The following ARHGEF3 variants were observed in gnomAD, a reference collection of about 807,000 sequenced individuals.
ARHGEF3 encodes the protein Rho guanine nucleotide exchange factor 3.
In ARHGEF3, 28 loss-of-function variants were observed where a neutral mutation model predicts 63.2. That is an observed-to-expected ratio of 0.44 (90% CI 0.33 to 0.61). The LOEUF (loss-of-function observed/expected upper bound fraction) is 0.61. ARHGEF3 is among the 20% of genes least tolerant of loss of function. The probability of loss-of-function intolerance (pLI) is 0.03; values close to 1 mark genes in which losing one functional copy is unlikely to be tolerated. For synonymous variants in ARHGEF3, 266 were observed against 254.2 expected, an observed-to-expected ratio of 1.05 and a Z score of -0.44; for missense variants, 533 against 659.3, an observed-to-expected ratio of 0.81 and a Z score of 2.10.
intron 1 of ARHGEF3, among the ~76,000 whole-genome samples, chr3:57,039,804 A>G (rs1704104297): frequency 6.6e-6 from 1 of 152,078 alleles, no homozygotes; most frequent in Non-Finnish European, 1.5e-5. Flanking sequence ...ACCCTCCTAT[A>G]GGAATCCTTG....
chr3:56,913,097 C>T (rs1295096245), intron 3 of ARHGEF3, among the ~76,000 whole-genome samples: 2 of 151,936 alleles, frequency 1.3e-5, no homozygotes, highest in Non-Finnish European at 2.9e-5. Context: ...TATGATTGTG[C>T]CACTGCACTC....
chr3:56,871,670 A>C (rs1354751570), intron 4 of ARHGEF3, among the ~76,000 whole-genome samples: 1 of 152,130 alleles, frequency 6.6e-6, no homozygotes, highest in African/African-American at 2.4e-5. Context: ...TTATTCTTAT[A>C]TTTTTTGCAG....
chr3:56,921,102 C>T (rs1199312627), intron 3 of ARHGEF3, among the ~76,000 whole-genome samples: 1 of 145,142 alleles, frequency 6.9e-6, no homozygotes, highest in Non-Finnish European at 1.5e-5. Context: ...CAGTGGCTCA[C>T]ACCTGTAATC....
intron 2 of ARHGEF3, among the ~76,000 whole-genome samples, chr3:56,973,449 G>A (rs576164022): frequency 6.6e-6 from 1 of 152,290 alleles, no homozygotes; most frequent in African/African-American, 2.4e-5. Flanking sequence ...AAGGGCTATG[G>A]GAAGAGCAGA....
intron 2 of ARHGEF3, among the ~76,000 whole-genome samples, chr3:57,025,555 A>G (rs1451902588): frequency 6.6e-6 from 1 of 152,180 alleles, no homozygotes; most frequent in Non-Finnish European, 1.5e-5. Context: ...AGAAGTAGGC[A>G]AATGCTACAA....
At chr3:57,051,807 T>C (rs938239930) in intron 1 of ARHGEF3, among the ~76,000 whole-genome samples, 4 of 150,940 alleles carry the variant, frequency 2.7e-5, no homozygotes, top group Non-Finnish European at 5.9e-5. Context: ...CTATTAAAAA[T>C]AGAAAAATTA....
chr3:57,010,087 C>A (rs910486019), intron 2 of ARHGEF3, among the ~76,000 whole-genome samples: 1 of 152,096 alleles, frequency 6.6e-6, no homozygotes, highest in Admixed American at 6.5e-5. Context: ...AACATGCAGG[C>A]GCCACAGCAC....
In ARHGEF3 at chr3:56,951,779, G is replaced by C. The variant is rs189269773; in HGVS notation, c.129+7044C>G. On this transcript the variant is annotated intron_variant, in intron 3 of 12. Transcript: ENST00000338458. Reference sequence around the variant, plus strand: ...AGAGTCCTCTGTATGTTAGAGGTTAGTATGAGGTGAATATTGCAAATATTC... The same window carrying C: ...AGAGTCCTCTGTATGTTAGAGGTTACTATGAGGTGAATATTGCAAATATTC... Among the ~76,000 whole-genome samples the C allele has an allele frequency of 3.9e-5, 6 of 152,046 alleles. No homozygotes were observed. The East Asian group carries it at 1.2e-3, about 29-fold the overall frequency.
intron 1 of ARHGEF3, among the ~76,000 whole-genome samples, chr3:57,054,801 C>T (rs922895789): frequency 2.0e-5 from 3 of 151,882 alleles, no homozygotes; most frequent in Admixed American, 6.6e-5. Flanking sequence ...TAGGCATACG[C>T]CACCATGCCT....
intron 1 of ARHGEF3, among the ~76,000 whole-genome samples, chr3:57,067,453 A>AT (rs1189718380): frequency 7.7e-6 from 1 of 130,446 alleles, no homozygotes; most frequent in Non-Finnish European, 1.6e-5. Flanking sequence ...ACTCTGTCTC[A>AT]AAATAATAAT....
chr3:56,730,077 AAAT>A (rs1482119746), intron 9 of ARHGEF3, among the ~76,000 whole-genome samples: 1 of 152,192 alleles, frequency 6.6e-6, no homozygotes, highest in African/African-American at 2.4e-5. Context: ...AAATCAATAA[AAAT>A]AAATCCCCAG....
chr3:57,007,285 C>A (rs182952140), intron 2 of ARHGEF3: 1 of 1,289,660 alleles, frequency 7.8e-7, no homozygotes, highest in Non-Finnish European at 1.0e-6. Flanking sequence ...GCCTGAAAAA[C>A]CAGTTGTTCC....
chr3:57,068,933 T>C (rs566975890), intron 1 of ARHGEF3, among the ~76,000 whole-genome samples: 1,599 of 151,776 alleles, frequency 0.011, 22 homozygotes, highest in African/African-American at 0.036. Flanking sequence ...TTTTTTTTTT[T>C]TTTTCTGAGA....
At chr3:56,754,019 A>G (rs1313185389) in intron 3 of ARHGEF3, among the ~76,000 whole-genome samples, 1 of 152,248 alleles carries the variant, frequency 6.6e-6, no homozygotes, top group Non-Finnish European at 1.5e-5. Flanking sequence ...GAATCTCAGC[A>G]GAAAGTTTTA....
chr3:56,843,724 T>C (rs1441161260), intron 4 of ARHGEF3, among the ~76,000 whole-genome samples: 1 of 152,246 alleles, frequency 6.6e-6, no homozygotes, highest in Non-Finnish European at 1.5e-5. Flanking sequence ...GAAAATATCA[T>C]GCAATTTGAC....
chr3:57,073,096 A>G (rs1367921151), intron 1 of ARHGEF3, among the ~76,000 whole-genome samples: 1 of 152,116 alleles, frequency 6.6e-6, no homozygotes, highest in Non-Finnish European at 1.5e-5. Context: ...ATACATACAA[A>G]ATGAGCCCAT....
chr3:56,774,691 G>C (rs576555249), intron 1 of ARHGEF3, among the ~76,000 whole-genome samples: 5 of 152,232 alleles, frequency 3.3e-5, no homozygotes, highest in African/African-American at 1.2e-4. Context: ...CACGAGGTCA[G>C]GAGTTCAAGA....
At chr3:56,881,047 T>C (rs1376245816) in intron 4 of ARHGEF3, among the ~76,000 whole-genome samples, 1 of 152,082 alleles carries the variant, frequency 6.6e-6, no homozygotes, top group East Asian at 1.9e-4. Context: ...AAAAAAATTG[T>C]TCACATTGGT....
At chr3:56,808,779 A>C (rs2037959090) in intron 4 of ARHGEF3, among the ~76,000 whole-genome samples, 1 of 152,168 alleles carries the variant, frequency 6.6e-6, no homozygotes, top group African/African-American at 2.4e-5. Context: ...GATATTTGGC[A>C]CTGTCTGGAT....
Sources: allele counts gnomAD v4.1 joint callset (sites outside exome capture counted in the v4.1 genomes callset), GRCh38; gene constraint gnomAD v4.1.1; transcripts MANE v1.5; gene names NCBI Gene and HGNC (gene_info 2026-07-23, HGNC 2026-07-21).